Variants in MYO9B observed in about 807,000 individuals in gnomAD.
MYO9B encodes the protein myosin IXB, also known as unconventional myosin-IXb.
MYO9B carries 71 observed loss-of-function variants against 229.5 expected under a neutral mutation model. That is an observed-to-expected ratio of 0.31 (90% CI 0.26 to 0.38). The LOEUF (loss-of-function observed/expected upper bound fraction) is 0.38, where lower values mean the gene tolerates loss of function less well. Among genes scored for constraint, MYO9B ranks in the 10% least tolerant of loss-of-function variants. The pLI, the probability that MYO9B is intolerant of heterozygous loss-of-function variation, is 1.00. For missense variants in MYO9B, 2,255 were observed against 2,920.5 expected (o/e 0.77, Z 5.25); for synonymous variants, 1,185 against 1,235.8 (o/e 0.96, Z 0.86).
chr19:17,079,734 G>A (rs2057517795), intron 1 of MYO9B, among the ~76,000 whole-genome samples: 1 of 152,110 alleles, frequency 6.6e-6, no homozygotes, highest in South Asian at 2.1e-4. Context: ...GTCCCTTCTG[G>A]GTGCTGCCCC....
At chr19:17,200,855 G>A (rs1383800208) in intron 26 of MYO9B, 26 bp downstream of exon 26, 4 of 1,607,920 alleles carry the variant, frequency 2.5e-6, no homozygotes, top group Non-Finnish European at 3.4e-6. Flanking sequence ...GAGGGCCAGG[G>A]GCATGAGGCC....
chr19:17,098,035 A>C (rs2057709121), intron 1 of MYO9B, among the ~76,000 whole-genome samples: 1 of 133,278 alleles, frequency 7.5e-6, no homozygotes, highest in African/African-American at 3.0e-5. Flanking sequence ...ACTCCTCTTC[A>C]TCCTTCAGAA....
chr19:17,148,613 T>C (rs151208236), intron 3 of MYO9B, among the ~76,000 whole-genome samples: 75 of 152,278 alleles, frequency 4.9e-4, no homozygotes, highest in African/African-American at 1.7e-3. Context: ...AGACGGAATC[T>C]CACCCTGTCG....
At chr19:17,129,447 G>C (rs962522033) in intron 2 of MYO9B, among the ~76,000 whole-genome samples, 1 of 152,174 alleles carries the variant, frequency 6.6e-6, no homozygotes, top group African/African-American at 2.4e-5. Flanking sequence ...AAGGCTCCGG[G>C]AAGTGAGCAG....
chr19:17,088,401 A>G (rs2057604055), intron 1 of MYO9B, among the ~76,000 whole-genome samples: 1 of 152,172 alleles, frequency 6.6e-6, no homozygotes. Flanking sequence ...CGCGGTAAGC[A>G]TGAGTTTTGG....
In MYO9B at chr19:17,104,808, A is replaced by T. The variant is rs570224265; in HGVS notation, c.840+2251A>T. On this transcript the variant is annotated intron_variant, in intron 2 of 39. Coordinates refer to ENST00000682292, the MANE Select transcript of MYO9B (RefSeq NM_004145.4). ...TAAAAATACCGAGCAGATAGTGCAG[A>T]GAGTTCCCATGTACCCCTCCCACGC... 5.3e-5 allele frequency among the ~76,000 whole-genome samples: 8 copies of T among 152,150 alleles called. No individual in the cohort carries two copies. The East Asian group carries it at 1.4e-3, about 26-fold the overall frequency.
chr19:17,094,314 C>T (rs554917107), intron 1 of MYO9B, among the ~76,000 whole-genome samples: 15 of 152,254 alleles, frequency 9.9e-5, no homozygotes, highest in African/African-American at 3.6e-4. Flanking sequence ...GAATTACAGG[C>T]GTGAGCCACC....
At position 17,211,709 on chromosome 19, in the gene MYO9B, A is replaced by G; in HGVS notation, c.5993A>G (p.Asp1998Gly). The G allele has an allele frequency of 6.2e-7, 1 of 1,611,234 alleles. No individual in the cohort carries two copies. Among genetic ancestry groups the G allele is most frequent in the Non-Finnish European group, 8.5e-7 (1 of 1,179,246 alleles). The change falls in exon 39 of 40, where the codon GAC (aspartate) becomes GGC (glycine). Residue 1998 changes from aspartate (D) to glycine (G), a missense_variant. Transcript: ENST00000682292. ...DPRGSDEENL[D>G]SETSASTESL... Reference sequence around the variant, plus strand: ...AGGGGCTCGGACGAGGAGAACCTGGACTCGGAGACGTCGGCCAGCACCGAG... The same window carrying G: ...AGGGGCTCGGACGAGGAGAACCTGGGCTCGGAGACGTCGGCCAGCACCGAG...
intron 4 of MYO9B, among the ~76,000 whole-genome samples, chr19:17,153,397 A>AAG (rs1004424799): frequency 6.6e-6 from 1 of 151,162 alleles, no homozygotes; most frequent in Non-Finnish European, 1.5e-5. Flanking sequence ...AAAAAAAAAA[A>AAG]AAAGAAAGGC....
chr19:17,090,118 C>CTTCCTT (rs2057622859), intron 1 of MYO9B, among the ~76,000 whole-genome samples: 1 of 49,176 alleles, frequency 2.0e-5, no homozygotes, highest in African/African-American at 8.1e-5. Flanking sequence ...TGCTTCCTTC[C>CTTCCTT]TTTTTTTTTT....
At chr19:17,208,316 G>A (rs2073185638) in intron 35 of MYO9B, among the ~76,000 whole-genome samples, 1 of 126,700 alleles carries the variant, frequency 7.9e-6, no homozygotes, top group Admixed American at 8.8e-5. Flanking sequence ...TCCAGCCTGG[G>A]CGACAGAGCG....
At chr19:17,140,047 A>T (rs1226074276) in intron 2 of MYO9B, among the ~76,000 whole-genome samples, 2 of 152,144 alleles carry the variant, frequency 1.3e-5, no homozygotes, top group African/African-American at 4.8e-5. Context: ...GTCTCAAAAA[A>T]AAAAGAAAAA....
intron 1 of MYO9B, among the ~76,000 whole-genome samples, chr19:17,084,718 A>G (rs2057566209): frequency 6.7e-6 from 1 of 149,216 alleles, no homozygotes; most frequent in African/African-American, 2.6e-5. Flanking sequence ...ACAAAAAAAA[A>G]AAAAAAGAAA....
intron 2 of MYO9B, among the ~76,000 whole-genome samples, chr19:17,120,015 T>C (rs2057947119): frequency 6.6e-6 from 1 of 152,170 alleles, no homozygotes; most frequent in South Asian, 2.1e-4. Context: ...AATACAAAAA[T>C]TAGCCAGGCG....
intron 1 of MYO9B, among the ~76,000 whole-genome samples, chr19:17,094,315 G>A (rs1048621437): frequency 7.9e-5 from 12 of 152,126 alleles, no homozygotes; most frequent in Admixed American, 2.0e-4. Flanking sequence ...AATTACAGGC[G>A]TGAGCCACCA....
chr19:17,174,371 C>G (rs1271686477), intron 13 of MYO9B, among the ~76,000 whole-genome samples: 2 of 152,092 alleles, frequency 1.3e-5, no homozygotes, highest in Non-Finnish European at 2.9e-5. Flanking sequence ...GGTGCAGTGG[C>G]TCAAGCCTGA....
At chr19:17,117,379 C>T (rs2057915232) in intron 2 of MYO9B, among the ~76,000 whole-genome samples, 1 of 152,212 alleles carries the variant, frequency 6.6e-6, no homozygotes, top group African/African-American at 2.4e-5. Context: ...CAAGCCAGAA[C>T]CAGCTCCTGA....
At chr19:17,196,374 A>G (rs2073043572) in intron 22 of MYO9B, among the ~76,000 whole-genome samples, 1 of 151,980 alleles carries the variant, frequency 6.6e-6, no homozygotes, top group South Asian at 2.1e-4. Flanking sequence ...GATGATACAG[A>G]TGATGGGGAG....
intron 8 of MYO9B, 147 bp from the exon 9 acceptor site, chr19:17,162,203 G>T (rs2072610916): frequency 3.2e-6 from 2 of 619,560 alleles, no homozygotes. Context: ...TACTTGGGAG[G>T]CTGAGACAGG....
Sources: gnomAD v4.1 joint callset for allele counts (sites outside exome capture counted in the v4.1 genomes callset) on GRCh38, gnomAD v4.1.1 for gene constraint, MANE v1.5 for transcripts, NCBI Gene and HGNC (gene_info 2026-07-23, HGNC 2026-07-21) for gene names.